CCSER1: variants seen among roughly 807,000 people sequenced by gnomAD.
CCSER1 encodes serine-rich coiled-coil domain-containing protein 1.
Under a neutral mutation model 82.0 loss-of-function variants are expected in CCSER1, and 41 were observed. The ratio of observed to expected loss-of-function variants is 0.50; its 90% confidence interval spans 0.39 to 0.65. The LOEUF (loss-of-function observed/expected upper bound fraction) is 0.65. Ranked by LOEUF, CCSER1 falls within the 30% of genes least tolerant of loss-of-function variation. The pLI, the probability that CCSER1 is intolerant of heterozygous loss-of-function variation, is 0.00. For synonymous variants in CCSER1, 414 were observed against 383.9 expected, an observed-to-expected ratio of 1.08 and a Z score of -0.92; for missense variants, 1,119 against 1,064.2, an observed-to-expected ratio of 1.05 and a Z score of -0.72.
At position 91,373,752 on chromosome 4, in the gene CCSER1, G is replaced by A. The variant is rs7655310; in HGVS notation, c.2218-224820G>A. 4.5e-3 allele frequency among the ~76,000 whole-genome samples: 688 copies of A among 152,252 alleles called. 5 individuals are homozygous for A. Among genetic ancestry groups the A allele is most frequent in the African/African-American group, 0.016 (653 of 41,560 alleles). On this transcript the variant is annotated intron_variant, in intron 10 of 10. Coordinates refer to ENST00000509176, the MANE Select transcript of CCSER1 (RefSeq NM_001145065.2). ...ACTAGTAATTATTAAGCTTAGTGAAGAAGGCACGTCAAAAGCTGAGTAGGC... is the reference window on the plus strand; with the variant it reads ...ACTAGTAATTATTAAGCTTAGTGAAAAAGGCACGTCAAAAGCTGAGTAGGC...
intron 5 of CCSER1, among the ~76,000 whole-genome samples, chr4:90,560,222 G>A (rs1308560738): frequency 2.0e-5 from 3 of 151,878 alleles, no homozygotes; most frequent in African/African-American, 7.3e-5. Flanking sequence ...AAAACCAAGC[G>A]GCCAAGGGGG....
chr4:91,530,797 C>T (rs1234619763), intron 10 of CCSER1, among the ~76,000 whole-genome samples: 1 of 151,684 alleles, frequency 6.6e-6, no homozygotes, highest in Non-Finnish European at 1.5e-5. Flanking sequence ...AAGCGATTCT[C>T]CTGTCTCAGT....
At chr4:90,708,492 G>A (rs1217598131) in intron 6 of CCSER1, among the ~76,000 whole-genome samples, 1 of 151,990 alleles carries the variant, frequency 6.6e-6, no homozygotes, top group African/African-American at 2.4e-5. Context: ...TCTGGTACCG[G>A]GAATGAGGAA....
chr4:90,354,461 A>G (rs1349843973), intron 3 of CCSER1, among the ~76,000 whole-genome samples: 1 of 152,134 alleles, frequency 6.6e-6, no homozygotes, highest in South Asian at 2.1e-4. Context: ...TAAATTTCCT[A>G]AGAAAGTATG....
At chr4:91,104,832 G>T (rs1033428200) in intron 10 of CCSER1, among the ~76,000 whole-genome samples, 2 of 152,100 alleles carry the variant, frequency 1.3e-5, no homozygotes, top group Non-Finnish European at 2.9e-5. Context: ...GTCCCTTTGT[G>T]TGTCTAAATT....
At position 91,297,393 on chromosome 4, in the gene CCSER1, G is replaced by GTGTGTGTGTGTGTGTGTA. The variant is rs1578142291; in HGVS notation, c.2217+211416_2217+211417insATGTGTGTGTGTGTGTGT. 2.2e-5 allele frequency among the ~76,000 whole-genome samples: 3 copies of GTGTGTGTGTGTGTGTGTA among 135,440 alleles called. No homozygotes were observed. The East Asian group carries it at 9.3e-4, about 42-fold the overall frequency. The allele number at this position is 135,440 out of a possible 152,430, so 88.9% of individuals were successfully genotyped here. A position where few individuals can be genotyped will look rare whatever the true frequency, so the allele number is the denominator to read the frequency against. On this transcript the variant is annotated intron_variant, in intron 10 of 10. Transcript: ENST00000509176. The stretch of plus-strand genomic sequence containing the variant: ...TGTGTGTGTGTGTGTGTATGTGTGT[G>GTGTGTGTGTGTGTGTGTA]TGTGTGTGTGTGTGTGTGTGTGTGT...
At chr4:90,536,742 T>C (rs1345509943) in intron 5 of CCSER1, among the ~76,000 whole-genome samples, 1 of 152,242 alleles carries the variant, frequency 6.6e-6, no homozygotes, top group African/African-American at 2.4e-5. Flanking sequence ...ATTTAGTCTT[T>C]TCACTTAATC....
chr4:90,995,720 T>C (rs1009592945), intron 9 of CCSER1, among the ~76,000 whole-genome samples: 5 of 152,044 alleles, frequency 3.3e-5, no homozygotes, highest in Admixed American at 3.3e-4. Context: ...ACTGTATTAG[T>C]TCGGTGTGTT....
intron 1 of CCSER1, among the ~76,000 whole-genome samples, chr4:90,197,971 T>C (rs1736917007): frequency 6.6e-6 from 1 of 152,162 alleles, no homozygotes; most frequent in Non-Finnish European, 1.5e-5. Flanking sequence ...CTTGAAGGGA[T>C]GGATACCCCA....
chr4:90,532,394 T>C (rs1409258936), intron 5 of CCSER1, among the ~76,000 whole-genome samples: 1 of 152,040 alleles, frequency 6.6e-6, no homozygotes, highest in Non-Finnish European at 1.5e-5. Flanking sequence ...CATATTTTCC[T>C]CTCTCTTCTG....
intron 1 of CCSER1, among the ~76,000 whole-genome samples, chr4:90,273,178 G>A (rs1726904788): frequency 6.6e-6 from 1 of 152,056 alleles, no homozygotes. Flanking sequence ...TGTACTCATG[G>A]AGATACAGAG....
intron 10 of CCSER1, among the ~76,000 whole-genome samples, chr4:91,257,566 G>A (rs1740795542): frequency 6.6e-6 from 1 of 151,240 alleles, no homozygotes; most frequent in Non-Finnish European, 1.5e-5. Flanking sequence ...TTATTCCAAA[G>A]CGTTTAAATG....
rs532838043 is a variant in CCSER1, at chr4:91,088,644, G to A, written c.2217+2650G>A. 1.3e-4 allele frequency among the ~76,000 whole-genome samples: 20 copies of A among 152,102 alleles called. No homozygotes were observed. In the East Asian group the frequency reaches 2.5e-3, roughly 19 times the overall value. ...TATTGGTATTTTTACATTTTTATAC[G>A]TGCATATTGTGTATACAATTTGAGG... On this transcript the variant is annotated intron_variant, in intron 10 of 10. Coordinates refer to ENST00000509176, the MANE Select transcript of CCSER1 (RefSeq NM_001145065.2).
chr4:90,195,812 A>T (rs1736484789), intron 1 of CCSER1, among the ~76,000 whole-genome samples: 1 of 152,110 alleles, frequency 6.6e-6, no homozygotes, highest in Non-Finnish European at 1.5e-5. Flanking sequence ...GGCAATGAGG[A>T]TGTGGGCTGG....
chr4:91,175,833 A>T (rs1313779448), intron 10 of CCSER1, among the ~76,000 whole-genome samples: 1 of 152,092 alleles, frequency 6.6e-6, no homozygotes, highest in African/African-American at 2.4e-5. Context: ...GTTTAATTAG[A>T]TCCCATTTGT....
At chr4:90,129,198 GT>G (rs1560654654) in intron 1 of CCSER1, among the ~76,000 whole-genome samples, 1 of 152,220 alleles carries the variant, frequency 6.6e-6, no homozygotes, top group East Asian at 1.9e-4. Flanking sequence ...AGTAAAGCTG[GT>G]TTTATTAACA....
chr4:90,576,528 C>A (rs1178589117), intron 5 of CCSER1, among the ~76,000 whole-genome samples: 2 of 152,018 alleles, frequency 1.3e-5, no homozygotes, highest in Non-Finnish European at 2.9e-5. Context: ...TTATTTATCC[C>A]TCCCTCCACT....
intron 5 of CCSER1, among the ~76,000 whole-genome samples, chr4:90,621,277 C>G (rs1722280807): frequency 6.6e-6 from 1 of 152,100 alleles, no homozygotes; most frequent in Non-Finnish European, 1.5e-5. Flanking sequence ...CTGAAGCCCT[C>G]CTACCTCACT....
In CCSER1 at chr4:90,308,291, G is replaced by A. The variant is rs769598269; in HGVS notation, c.7G>A (p.Asp3Asn). ...TGCAAGCCTTTGATTCCCAATGGGG[G>A]ACTCAGGATCAAGACGATCTACCCT... MG[D>N]SGSRRSTLVS... Residue 3 changes from aspartate to asparagine, a missense_variant, in exon 2 of 11, where the codon GAC becomes AAC. Transcript: ENST00000509176. 1 of 1,574,178 alleles carries A rather than the reference G, an allele frequency of 6.4e-7. No homozygotes were observed. Among genetic ancestry groups the A allele is most frequent in the Non-Finnish European group, 8.6e-7 (1 of 1,160,022 alleles).
Sources: allele counts gnomAD v4.1 joint callset (sites outside exome capture counted in the v4.1 genomes callset), GRCh38; gene constraint gnomAD v4.1.1; transcripts MANE v1.5; gene names NCBI Gene and HGNC (gene_info 2026-07-23, HGNC 2026-07-21).